Variants in CCDC148 observed in about 807,000 individuals in gnomAD.
CCDC148 encodes the protein coiled-coil domain containing 148.
A neutral mutation model predicts 85.7 loss-of-function variants in CCDC148; 89 were observed. That is an observed-to-expected ratio of 1.04 (90% CI 0.87 to 1.24). CCDC148 has a LOEUF of 1.24. Ranked by LOEUF, CCDC148 falls within the 50% of genes most tolerant of loss-of-function variation. The probability of loss-of-function intolerance (pLI) is 0.00; values close to 1 mark genes in which losing one functional copy is unlikely to be tolerated. For synonymous variants in CCDC148, 230 were observed against 213.9 expected, an observed-to-expected ratio of 1.08 and a Z score of -0.66; for missense variants, 692 against 671.7, an observed-to-expected ratio of 1.03 and a Z score of -0.33.
intron 1 of CCDC148, among the ~76,000 whole-genome samples, chr2:158,427,659 C>G (rs867204921): frequency 1.3e-5 from 2 of 151,970 alleles, no homozygotes; most frequent in African/African-American, 4.8e-5. Flanking sequence ...TACTTGAGCT[C>G]AGGAGTTCGA....
chr2:158,388,229 TTCTGAAG>T (rs78505865), intron 1 of CCDC148, among the ~76,000 whole-genome samples: 11,111 of 152,216 alleles, frequency 0.073, 443 homozygotes, highest in Non-Finnish European at 0.081. Flanking sequence ...AGTCAGTATT[TTCTGAAG>T]TCTTGTTATT....
chr2:158,225,743 T>C (rs1013242787), intron 10 of CCDC148, among the ~76,000 whole-genome samples: 1 of 152,176 alleles, frequency 6.6e-6, no homozygotes, highest in African/African-American at 2.4e-5. Flanking sequence ...AATAAAGATG[T>C]TCTTTGAAAC....
At chr2:158,384,025 T>C (rs2105290879) in intron 1 of CCDC148, among the ~76,000 whole-genome samples, 1 of 152,286 alleles carries the variant, frequency 6.6e-6, no homozygotes, top group South Asian at 2.1e-4. Flanking sequence ...AGCATGTCCT[T>C]CAGTTTTGGT....
In CCDC148 at chr2:158,243,362, C is replaced by T. The variant is rs555869175; in HGVS notation, c.1251+7410G>A. Reference sequence around the variant, plus strand: ...ATCACTATAATCAAATTTTGGGGGACTATTAGCCCATTTTCACATCATACT... The same window carrying T: ...ATCACTATAATCAAATTTTGGGGGATTATTAGCCCATTTTCACATCATACT... On this transcript the variant is annotated intron_variant, in intron 10 of 13. Coordinates refer to ENST00000283233, the MANE Select transcript of CCDC148 (RefSeq NM_138803.4). 1.1e-4 allele frequency among the ~76,000 whole-genome samples: 16 copies of T among 152,178 alleles called. No individual in the cohort carries two copies. In the South Asian group the frequency reaches 3.3e-3, roughly 32 times the overall value.
chr2:158,385,035 C>T (rs946667536), intron 1 of CCDC148, among the ~76,000 whole-genome samples: 2 of 152,146 alleles, frequency 1.3e-5, no homozygotes, highest in Non-Finnish European at 2.9e-5. Flanking sequence ...CCTTGCTCAC[C>T]ATCAGTCAGG....
chr2:158,206,118 C>T (rs137870743), intron 11 of CCDC148, among the ~76,000 whole-genome samples: 7,783 of 152,050 alleles, frequency 0.051, 228 homozygotes, highest in Middle Eastern at 0.075. Flanking sequence ...CTCACAAGAA[C>T]CATATAAGGT....
In CCDC148 at chr2:158,406,630, T is replaced by TTTTTTGTTTTTGTTTTTG. The variant is rs1553518867; in HGVS notation, c.26-48061_26-48060insCAAAAACAAAAACAAAAA. Among the ~76,000 whole-genome samples, 162 of 136,764 alleles carry TTTTTTGTTTTTGTTTTTG rather than the reference T, an allele frequency of 1.2e-3. 7 individuals carry two copies. Among genetic ancestry groups the TTTTTTGTTTTTGTTTTTG allele is most frequent in the South Asian group, 3.3e-3 (14 of 4,296 alleles). 89.7% of individuals were successfully genotyped at this position (136,764 alleles called of 152,430 possible). On this transcript the variant is annotated intron_variant, in intron 1 of 13. Transcript: ENST00000283233. ...TTAAATTTCTTTTTTTTTTTTTTTT[T>TTTTTTGTTTTTGTTTTTG]TTTTTTTTTTGAGACAGTGTCTCCC...
intron 7 of CCDC148, among the ~76,000 whole-genome samples, chr2:158,327,944 C>T (rs1692868194): frequency 6.7e-6 from 1 of 149,126 alleles, no homozygotes; most frequent in Non-Finnish European, 1.5e-5. Context: ...TTCTAGATGG[C>T]CACTGTTTAT....
At chr2:158,450,282 G>A (rs1162985906) in intron 1 of CCDC148, among the ~76,000 whole-genome samples, 2 of 152,166 alleles carry the variant, frequency 1.3e-5, no homozygotes, top group African/African-American at 4.8e-5. Context: ...GAAATAATGA[G>A]GTCATATTTT....
chr2:158,426,919 G>C (rs1687105104), intron 1 of CCDC148, among the ~76,000 whole-genome samples: 4 of 152,116 alleles, frequency 2.6e-5, no homozygotes, highest in Admixed American at 2.6e-4. Flanking sequence ...TGCAACTTTA[G>C]GGACTAGAAG....
intron 1 of CCDC148, among the ~76,000 whole-genome samples, chr2:158,421,351 C>G (rs1259711868): frequency 6.6e-6 from 1 of 152,180 alleles, no homozygotes; most frequent in African/African-American, 2.4e-5. Context: ...AAGCACTCCT[C>G]AGCAAATGTC....
At chr2:158,220,029 GA>G in intron 11 of CCDC148, among the ~76,000 whole-genome samples, 1 of 152,138 alleles carries the variant, frequency 6.6e-6, no homozygotes, top group African/African-American at 2.4e-5. Context: ...AGTAACTTTG[GA>G]AAAAATAACT....
chr2:158,280,020 C>T (rs1375531016), intron 9 of CCDC148, among the ~76,000 whole-genome samples: 3 of 151,656 alleles, frequency 2.0e-5, no homozygotes, highest in African/African-American at 7.2e-5. Flanking sequence ...CATATCCAGC[C>T]AAACTAAGCT....
chr2:158,347,077 A>T (rs1683030465), intron 2 of CCDC148, among the ~76,000 whole-genome samples: 1 of 152,202 alleles, frequency 6.6e-6, no homozygotes, highest in Admixed American at 6.5e-5. Flanking sequence ...ATATAAGTAC[A>T]CAGTATTTCT....
intron 1 of CCDC148, among the ~76,000 whole-genome samples, chr2:158,440,293 C>G (rs1175958294): frequency 6.6e-6 from 1 of 152,112 alleles, no homozygotes. Context: ...AGTTTCTTAA[C>G]TGTTAAATAG....
Position 158,172,026 on chromosome 2 carries a change from A to G in CCDC148, c.*87T>C. The G allele has an allele frequency of 9.7e-7, 1 of 1,028,046 alleles. No homozygotes were observed. Among genetic ancestry groups the G allele is most frequent in the Admixed American group, 2.9e-5 (1 of 34,580 alleles). 63.7% of individuals were successfully genotyped at this position (1,028,046 alleles called of 1,614,324 possible). ...TATGATTTCTATGTCTGATATTTCA[A>G]ACATTTTAGAAAGTAGTAATTATTA... On this transcript the variant is annotated 3_prime_UTR_variant, in exon 14 of 14. Coordinates refer to ENST00000283233, the MANE Select transcript of CCDC148 (RefSeq NM_138803.4).
At chr2:158,419,082 T>A (rs1044256610) in intron 1 of CCDC148, among the ~76,000 whole-genome samples, 2 of 152,162 alleles carry the variant, frequency 1.3e-5, no homozygotes, top group Admixed American at 6.6e-5. Flanking sequence ...ACTGAGTTTT[T>A]TCCTGTGGGA....
chr2:158,216,846 C>CT (rs1686889709), intron 11 of CCDC148, among the ~76,000 whole-genome samples: 1 of 152,092 alleles, frequency 6.6e-6, no homozygotes, highest in Admixed American at 6.5e-5. Context: ...TTAATGAATA[C>CT]TTAACTGTGT....
At chr2:158,266,670 C>T (rs2105158044) in intron 9 of CCDC148, among the ~76,000 whole-genome samples, 1 of 152,096 alleles carries the variant, frequency 6.6e-6, no homozygotes. Context: ...CATTCTTATG[C>T]CTTTGCATCC....
Sources: gnomAD v4.1 joint callset for allele counts (sites outside exome capture counted in the v4.1 genomes callset) on GRCh38, gnomAD v4.1.1 for gene constraint, MANE v1.5 for transcripts, NCBI Gene and HGNC (gene_info 2026-07-23, HGNC 2026-07-21) for gene names.